The following MBNL2 variants were observed in gnomAD, a reference collection of about 807,000 sequenced individuals.
The protein encoded by MBNL2 is muscleblind-like protein 2.
A neutral mutation model predicts 41.9 loss-of-function variants in MBNL2; 17 were observed. The ratio of observed to expected loss-of-function variants is 0.41; its 90% confidence interval spans 0.28 to 0.61. MBNL2 has a LOEUF of 0.61. Ranked by LOEUF, MBNL2 falls within the 20% of genes least tolerant of loss-of-function variation. The pLI is 0.35. For missense variants in MBNL2, 336 were observed against 505.6 expected, an observed-to-expected ratio of 0.66 and a Z score of 3.22; for synonymous variants, 195 against 182.9, an observed-to-expected ratio of 1.07 and a Z score of -0.53.
At chr13:97,360,235 T>C (rs1033366828) in intron 7 of MBNL2, among the ~76,000 whole-genome samples, 3 of 152,230 alleles carry the variant, frequency 2.0e-5, no homozygotes, top group South Asian at 2.1e-4. Context: ...GCTTTTGATA[T>C]GATACTAAAA....
chr13:97,144,420 C>CTTTTT, the MBNL2 span, among the ~76,000 whole-genome samples: 348 of 87,478 alleles, frequency 4.0e-3, 5 homozygotes, highest in African/African-American at 0.018. Context: ...AGACATGATA[C>CTTTTT]TTCTTTTTTT....
chr13:97,317,381 T>A (rs2059149276), intron 2 of MBNL2, among the ~76,000 whole-genome samples: 1 of 152,180 alleles, frequency 6.6e-6, no homozygotes, highest in African/African-American at 2.4e-5. Flanking sequence ...AGTGTCAAAG[T>A]ATGACATGCT....
chr13:97,211,703 G>A, the MBNL2 span, among the ~76,000 whole-genome samples: 13 of 151,996 alleles, frequency 8.6e-5, no homozygotes, highest in South Asian at 6.2e-4. Flanking sequence ...GCCCATTTCT[G>A]GTAAAGAATA....
the MBNL2 span, among the ~76,000 whole-genome samples, chr13:97,170,988 A>G: frequency 2.0e-5 from 3 of 152,206 alleles, no homozygotes; most frequent in African/African-American, 7.2e-5. Context: ...CTCCATTGCC[A>G]TAATTTTCTC....
At chr13:97,244,077 T>C (rs1413684335) in intron 1 of MBNL2, among the ~76,000 whole-genome samples, 1 of 152,194 alleles carries the variant, frequency 6.6e-6, no homozygotes, top group African/African-American at 2.4e-5. Flanking sequence ...AAAAACAGAT[T>C]CATCTCATGT....
chr13:97,200,585 A>G, the MBNL2 span, among the ~76,000 whole-genome samples: 1 of 152,234 alleles, frequency 6.6e-6, no homozygotes, highest in Admixed American at 6.5e-5. Context: ...CTTGGATTAC[A>G]TTTTTCATGA....
chr13:97,250,004 CCCAGGACA>C (rs777535244), intron 1 of MBNL2, among the ~76,000 whole-genome samples: 3 of 152,198 alleles, frequency 2.0e-5, no homozygotes, highest in African/African-American at 4.8e-5. Context: ...GCTGGCTTAG[CCCAGGACA>C]CGGAAGTCTG....
intron 1 of MBNL2, among the ~76,000 whole-genome samples, chr13:97,253,588 C>CT (rs530732370): frequency 2.4e-4 from 36 of 152,150 alleles, no homozygotes; most frequent in Admixed American, 2.0e-3. Flanking sequence ...TTCTTGTATT[C>CT]TTATCAAGGT....
chr13:97,309,372 A>G (rs1469770076), intron 2 of MBNL2, among the ~76,000 whole-genome samples: 2 of 152,200 alleles, frequency 1.3e-5, no homozygotes, highest in Non-Finnish European at 2.9e-5. Context: ...GGGGTGGTCA[A>G]TTTAAAATGA....
intron 7 of MBNL2, among the ~76,000 whole-genome samples, chr13:97,363,464 G>T (rs2153116507): frequency 6.7e-6 from 1 of 148,742 alleles, no homozygotes; most frequent in East Asian, 2.0e-4. Context: ...GTGTGTGTGT[G>T]ATCAAAAATC....
chr13:97,178,662 A>G, the MBNL2 span, among the ~76,000 whole-genome samples: 3 of 152,166 alleles, frequency 2.0e-5, no homozygotes, highest in African/African-American at 7.2e-5. Flanking sequence ...TTGGGAGGCC[A>G]AGGCAGGCAG....
chr13:97,206,952 A>G, the MBNL2 span, among the ~76,000 whole-genome samples: 2 of 152,130 alleles, frequency 1.3e-5, no homozygotes, highest in Non-Finnish European at 2.9e-5. Context: ...CCTTTGAAAA[A>G]TGGATTTAGT....
At chr13:97,264,080 G>A (rs1352383215) in intron 1 of MBNL2, among the ~76,000 whole-genome samples, 5 of 148,220 alleles carry the variant, frequency 3.4e-5, no homozygotes, top group African/African-American at 1.0e-4. Flanking sequence ...ATGCAATCTC[G>A]ACTCACTGCA....
In MBNL2 at chr13:97,334,271, T is replaced by G. The variant is rs1240326791; in HGVS notation, c.175-5T>G. ...TAGTCCTAAAACCAACACTTGTTTTTACAGGGCCGTTGTTCGAGAGAGAAC... is the reference window on the plus strand; with the variant it reads ...TAGTCCTAAAACCAACACTTGTTTTGACAGGGCCGTTGTTCGAGAGAGAAC... On this transcript the variant is annotated splice_polypyrimidine_tract_variant and splice_region_variant and intron_variant, in intron 2 of 8. Coordinates refer to ENST00000679496, the MANE Select transcript of MBNL2 (RefSeq NM_001382683.1). The surrounding 1 kb of genome is among the most constrained non-coding windows in gnomAD (Gnocchi z 5.3). 1 of 1,605,448 alleles carries G rather than the reference T, an allele frequency of 6.2e-7. No homozygotes were observed. Among genetic ancestry groups the G allele is most frequent in the African/African-American group, 1.3e-5 (1 of 74,412 alleles).
intron 8 of MBNL2, among the ~76,000 whole-genome samples, chr13:97,371,170 C>T (rs2064338548): frequency 6.6e-6 from 1 of 152,084 alleles, no homozygotes; most frequent in Non-Finnish European, 1.5e-5. Context: ...TTCAAAGTTA[C>T]ATTCTATTTC....
intron 1 of MBNL2, among the ~76,000 whole-genome samples, chr13:97,239,699 G>A (rs573667368): frequency 2.6e-5 from 4 of 152,328 alleles, no homozygotes; most frequent in South Asian, 2.1e-4. Flanking sequence ...TGTGAGATAC[G>A]TGAACTGTGA....
the MBNL2 span, among the ~76,000 whole-genome samples, chr13:97,145,403 G>A: frequency 1.3e-5 from 2 of 152,174 alleles, no homozygotes; most frequent in African/African-American, 2.4e-5. Flanking sequence ...AAGATATGGA[G>A]AAAAGGAGGG....
the MBNL2 span, among the ~76,000 whole-genome samples, chr13:97,196,841 G>C: frequency 6.6e-6 from 1 of 152,078 alleles, no homozygotes; most frequent in Non-Finnish European, 1.5e-5. Flanking sequence ...GGTATCTTTT[G>C]CCACCATATG....
the MBNL2 span, among the ~76,000 whole-genome samples, chr13:97,175,430 G>T: frequency 6.6e-6 from 1 of 152,124 alleles, no homozygotes; most frequent in African/African-American, 2.4e-5. Context: ...CGGGTGCAAA[G>T]ATGGGCCTGG....
Sources: gnomAD v4.1 joint callset for allele counts (sites outside exome capture counted in the v4.1 genomes callset) on GRCh38, gnomAD v4.1.1 for gene constraint, Gnocchi (gnomAD v3.1) non-coding constraint, MANE v1.5 for transcripts, NCBI Gene and HGNC (gene_info 2026-07-23, HGNC 2026-07-21) for gene names.